The following TREH variants were observed in gnomAD, a reference collection of about 807,000 sequenced individuals.
TREH encodes the protein alpha,alpha-trehalose glucohydrolase.
A neutral mutation model predicts 80.5 loss-of-function variants in TREH; 69 were observed. The observed-to-expected ratio is 0.86, with a 90% confidence interval of 0.71 to 1.05. The LOEUF (loss-of-function observed/expected upper bound fraction) is 1.05, where lower values mean the gene tolerates loss of function less well. Among genes scored for constraint, TREH ranks in the 50% least tolerant of loss-of-function variants. The probability of loss-of-function intolerance (pLI) is 0.00; values close to 1 mark genes in which losing one functional copy is unlikely to be tolerated. For synonymous variants in TREH, 309 were observed against 293.5 expected (o/e 1.05, Z -0.54); for missense variants, 716 against 718.8 (o/e 1.00, Z 0.04).
In TREH at chr11:118,679,628, G is replaced by GGTGGCT; in HGVS notation, c.-7_-2dup. 1 of 1,513,860 alleles carries GGTGGCT rather than the reference G, an allele frequency of 6.6e-7. No individual in the cohort carries two copies. 93.8% of individuals were successfully genotyped at this position (1,513,860 alleles called of 1,614,324 possible). A position where few individuals can be genotyped will look rare whatever the true frequency, so the allele number is the denominator to read the frequency against. ...ACAGCTCCCAGGTCCTCCCTGGCAT[G>GGTGGCT]GTGGCTGTGACTGTGACTGAATGAG... On this transcript the variant is annotated 5_prime_UTR_variant, in exon 1 of 15. Coordinates refer to ENST00000264029, the MANE Select transcript of TREH (RefSeq NM_007180.3).
intron 14 of TREH, 68 bp downstream of exon 14, chr11:118,658,612 G>A (rs1949255555): frequency 6.5e-7 from 1 of 1,544,886 alleles, no homozygotes; most frequent in East Asian, 2.4e-5. Flanking sequence ...GAGGCCTGGG[G>A]CGGGGGTCAT....
At chr11:118,663,546 C>A in intron 1 of TREH, 107 bp from the exon 2 acceptor site, 1 of 901,434 alleles carries the variant, frequency 1.1e-6, no homozygotes, top group Non-Finnish European at 1.7e-6. Context: ...TTCCCTGGGA[C>A]TGGACAAGGG....
chr11:118,679,109 G>A (rs1324052698), intron 1 of TREH, among the ~76,000 whole-genome samples: 1 of 152,160 alleles, frequency 6.6e-6, no homozygotes, highest in Non-Finnish European at 1.5e-5. Context: ...GGGGGCGGTG[G>A]CTCACGCTTG....
At chr11:118,679,335 A>T (rs1358696395) in intron 1 of TREH, among the ~76,000 whole-genome samples, 1 of 152,048 alleles carries the variant, frequency 6.6e-6, no homozygotes, top group Non-Finnish European at 1.5e-5. Flanking sequence ...GACTCTAACA[A>T]CAACAACAAA....
intron 1 of TREH, among the ~76,000 whole-genome samples, chr11:118,671,004 G>C (rs1183936934): frequency 1.3e-5 from 2 of 152,080 alleles, no homozygotes; most frequent in African/African-American, 4.8e-5. Flanking sequence ...AAGGACATTG[G>C]GTTAGGCCAC....
At position 118,663,259 on chromosome 11, in the gene TREH, G is replaced by T. The variant is rs1949345338; in HGVS notation, c.191-63C>A. 4.5e-6 allele frequency: 7 copies of T among 1,566,462 alleles called. No individual in the cohort carries two copies. The Admixed American group carries it at 1.3e-4, about 30-fold the overall frequency. The stretch of plus-strand genomic sequence containing the variant: ...CACAAGCCACTCCCTAATCACAGGG[G>T]CCTCTCTACTTGGTCTTGCCCCCTG... On this transcript the variant is annotated intron_variant, in intron 2 of 14. Transcript: ENST00000264029.
chr11:118,673,626 G>T (rs565457821), intron 1 of TREH, among the ~76,000 whole-genome samples: 8 of 152,184 alleles, frequency 5.3e-5, no homozygotes, highest in Non-Finnish European at 1.0e-4. Context: ...AGTTCCTTTT[G>T]ATCCTGGAAA....
In TREH at chr11:118,661,087, G is replaced by A; in HGVS notation, c.857+73C>T. 6.2e-7 allele frequency: 1 copy of A among 1,604,406 alleles called. No homozygotes were observed. The highest frequency in any genetic ancestry group is 8.5e-7 in the Non-Finnish European group (1 of 1,174,126). On this transcript the variant is annotated intron_variant, in intron 8 of 14. Coordinates refer to ENST00000264029, the MANE Select transcript of TREH (RefSeq NM_007180.3). This position sits in a 1 kb window ranked among gnomAD's most constrained non-coding sequence, Gnocchi z 4.2. ...GCCAGGCTAAGTCACTCCTCCTCCT[G>A]CCCGGGGCATTGTGATGCTCTAACC...
intron 1 of TREH, among the ~76,000 whole-genome samples, chr11:118,666,120 C>G (rs1949375381): frequency 6.6e-6 from 1 of 152,134 alleles, no homozygotes; most frequent in Non-Finnish European, 1.5e-5. Context: ...GTAATTCTAG[C>G]TACTTGGGAG....
chr11:118,659,694 G>A (rs1410896515), intron 11 of TREH, 53 bp downstream of exon 11: 127 of 1,542,144 alleles, frequency 8.2e-5, no homozygotes, highest in Middle Eastern at 1.8e-4. Flanking sequence ...GTTCAGGGTC[G>A]GGAGGGGGCG....
intron 1 of TREH, among the ~76,000 whole-genome samples, chr11:118,665,223 T>C (rs1487903745): frequency 6.6e-6 from 1 of 152,132 alleles, no homozygotes; most frequent in African/African-American, 2.4e-5. Flanking sequence ...AGGGCGGAGT[T>C]GTTGGTATGA....
chr11:118,677,126 G>A (rs1949488120), intron 1 of TREH, among the ~76,000 whole-genome samples: 1 of 152,228 alleles, frequency 6.6e-6, no homozygotes, highest in African/African-American at 2.4e-5. Context: ...TTTGTGGCAG[G>A]GGCCTTTGGC....
chr11:118,666,775 C>T (rs1042358202), intron 1 of TREH, among the ~76,000 whole-genome samples: 16 of 152,232 alleles, frequency 1.1e-4, no homozygotes, highest in Non-Finnish European at 2.4e-4. Context: ...ACAGCAGCAG[C>T]ATGGCCAGCC....
intron 1 of TREH, among the ~76,000 whole-genome samples, chr11:118,666,150 T>C (rs377644869): frequency 6.6e-6 from 1 of 152,050 alleles, no homozygotes; most frequent in East Asian, 1.9e-4. Flanking sequence ...GGAGAATTGC[T>C]TGAACCCAGG....
At chr11:118,664,863 C>A (rs1949362140) in intron 1 of TREH, among the ~76,000 whole-genome samples, 1 of 152,122 alleles carries the variant, frequency 6.6e-6, no homozygotes, top group African/African-American at 2.4e-5. Flanking sequence ...AATCCCAGCA[C>A]TTTGGGAGGC....
chr11:118,673,665 C>A (rs1949450381), intron 1 of TREH, among the ~76,000 whole-genome samples: 1 of 152,202 alleles, frequency 6.6e-6, no homozygotes, highest in African/African-American at 2.4e-5. Context: ...ATCAACATAA[C>A]CTGCTTTAAT....
intron 10 of TREH, 35 bp from the exon 11 acceptor site, chr11:118,659,999 T>C (rs1555144570): frequency 6.5e-7 from 1 of 1,527,314 alleles, no homozygotes; most frequent in Non-Finnish European, 8.9e-7. Flanking sequence ...CAGCAGCCAG[T>C]GCCCTGCCTG....
Position 118,659,963 on chromosome 11 carries a change from C to G in TREH, c.1104G>C (p.Gly368=). The change falls in exon 11 of 15, where the codon GGG becomes GGC. Residue 368 remains glycine, a splice_region_variant and synonymous_variant. Coordinates refer to ENST00000264029, the MANE Select transcript of TREH (RefSeq NM_007180.3). ...ELMSNFYSRL[G]NDSQATKYRI... ...TGTACTTCGTGGCCTGGGAGTCGTT[C>G]CCTGGGGCAGTGCTGCCTTTAGAGC... The G allele has an allele frequency of 6.4e-7, 1 of 1,550,954 alleles. No individual in the cohort carries two copies. Among genetic ancestry groups the G allele is most frequent in the Non-Finnish European group, 8.7e-7 (1 of 1,146,906 alleles).
intron 1 of TREH, among the ~76,000 whole-genome samples, chr11:118,668,643 T>C (rs1949402439): frequency 1.3e-5 from 2 of 151,078 alleles, no homozygotes; most frequent in African/African-American, 4.9e-5. Context: ...GTTAAAATGT[T>C]CAAATGTTCA....
Sources: gnomAD v4.1 joint callset for allele counts (sites outside exome capture counted in the v4.1 genomes callset) on GRCh38, gnomAD v4.1.1 for gene constraint, Gnocchi (gnomAD v3.1) non-coding constraint, MANE v1.5 for transcripts, NCBI Gene and HGNC (gene_info 2026-07-23, HGNC 2026-07-21) for gene names.